The following TPTE2 variants were observed in gnomAD, a reference collection of about 807,000 sequenced individuals.
The protein encoded by TPTE2 is transmembrane phosphoinositide 3-phosphatase and tensin homolog 2, also known as phosphatidylinositol 3,4,5-trisphosphate 3-phosphatase TPTE2.
In TPTE2, 53 loss-of-function variants were observed where a neutral mutation model predicts 78.6. That is an observed-to-expected ratio of 0.67 (90% confidence interval 0.54 to 0.85). The LOEUF (loss-of-function observed/expected upper bound fraction) is 0.85. TPTE2 is among the 40% of genes least tolerant of loss of function. The pLI is 0.00. For synonymous variants in TPTE2, 175 were observed against 206.2 expected, an observed-to-expected ratio of 0.85 and a Z score of 1.30; for missense variants, 461 against 623.0, an observed-to-expected ratio of 0.74 and a Z score of 2.77.
Position 19,524,644 on chromosome 13 carries a change from A to G in TPTE2, c.-44+11952T>C, listed in dbSNP as rs559048585. The stretch of plus-strand genomic sequence containing the variant: ...TTTATACTCAGGAAGCAGGTTTAAA[A>G]GTATGTTTAAAGTGAAAAAATAGAG... On this transcript the variant is annotated intron_variant, in intron 1 of 17. Transcript: ENST00000390680. Among the ~76,000 whole-genome samples, 66 of 151,704 alleles carry G rather than the reference A, an allele frequency of 4.4e-4. 1 individual carries two copies. Among genetic ancestry groups the G allele is most frequent in the African/African-American group, 1.5e-3 (62 of 41,312 alleles).
chr13:19,538,222 C>CT (rs913909845), upstream of TPTE2, among the ~76,000 whole-genome samples: 16 of 150,504 alleles, frequency 1.1e-4, no homozygotes, highest in East Asian at 7.8e-4. Flanking sequence ...TTGCTTCAAA[C>CT]TTTTTTTTTT....
intron 1 of TPTE2, among the ~76,000 whole-genome samples, chr13:19,514,063 T>TG (rs201042025): frequency 0.025 from 3,731 of 152,250 alleles, 64 homozygotes; most frequent in Middle Eastern, 0.051. Context: ...TTCTTGCTGC[T>TG]GAGGGCTCCT....
rs1039196342 is a variant in TPTE2, at chr13:19,437,015, A to G, written c.1036-709T>C. On this transcript the variant is annotated intron_variant, in intron 14 of 19. Coordinates refer to ENST00000400230, the Ensembl canonical transcript of TPTE2. ...TCAAACCTTTTGTTTTTTAAGCTGC[A>G]ATCCACATTAATAAACCTAGGAGAC... 2.1e-5 allele frequency among the ~76,000 whole-genome samples: 3 copies of G among 144,680 alleles called. No individual in the cohort carries two copies. The Admixed American group carries it at 2.1e-4, about 10-fold the overall frequency. 94.9% of individuals were successfully genotyped at this position (144,680 alleles called of 152,430 possible).
At chr13:19,549,837 T>C in the TPTE2 span, among the ~76,000 whole-genome samples, 169 of 96,504 alleles carry the variant, frequency 1.8e-3, 15 homozygotes, top group Middle Eastern at 7.9e-3. Flanking sequence ...GATAATGAGA[T>C]CATGGCCTTT....
chr13:19,505,204 G>A (rs568529149), upstream of TPTE2, among the ~76,000 whole-genome samples: 1 of 151,942 alleles, frequency 6.6e-6, no homozygotes, highest in South Asian at 2.1e-4. Flanking sequence ...GCAGTGATGC[G>A]ATCTTGGCTC....
intron 1 of TPTE2, among the ~76,000 whole-genome samples, chr13:19,532,342 G>A (rs536112761): frequency 2.0e-5 from 3 of 152,252 alleles, no homozygotes; most frequent in African/African-American, 7.2e-5. Flanking sequence ...TCTTGTGAAT[G>A]GGATTAGGTG....
the TPTE2 span, among the ~76,000 whole-genome samples, chr13:19,547,933 A>C: frequency 6.6e-6 from 1 of 151,720 alleles, no homozygotes; most frequent in Non-Finnish European, 1.5e-5. Context: ...ACTTTTTTGC[A>C]AGTAAACTTT....
At chr13:19,525,356 C>T (rs1870433411) in intron 1 of TPTE2, among the ~76,000 whole-genome samples, 1 of 152,074 alleles carries the variant, frequency 6.6e-6, no homozygotes, top group Non-Finnish European at 1.5e-5. Context: ...GACACACAGG[C>T]CAATGGAACA....
At chr13:19,489,340 A>G (rs1880844424) in intron 3 of TPTE2, among the ~76,000 whole-genome samples, 1 of 152,122 alleles carries the variant, frequency 6.6e-6, no homozygotes, top group Non-Finnish European at 1.5e-5. Flanking sequence ...TTCAGTTTAT[A>G]AAAAAGTAAT....
intron 17 of TPTE2, among the ~76,000 whole-genome samples, chr13:19,429,406 G>A (rs149446576): frequency 0.043 from 6,556 of 152,264 alleles, 498 homozygotes; most frequent in African/African-American, 0.15. Context: ...AGCCCAAGGC[G>A]TGAGTGGAAG....
intron 1 of TPTE2, among the ~76,000 whole-genome samples, chr13:19,496,817 C>T (rs1311950407): frequency 6.6e-6 from 1 of 152,180 alleles, no homozygotes; most frequent in African/African-American, 2.4e-5. Flanking sequence ...CGAACAGGAA[C>T]AGCTCCGGTC....
intron 1 of TPTE2, chr13:19,493,712 T>C: frequency 1.6e-6 from 1 of 616,808 alleles, no homozygotes. Flanking sequence ...GGGAAAATTG[T>C]AATGCTTCCC....
the TPTE2 span, chr13:19,560,872 C>G: frequency 6.4e-7 from 1 of 1,566,266 alleles, no homozygotes; most frequent in Non-Finnish European, 8.7e-7. Context: ...CCTGACAGGC[C>G]TTGCGTCTCC....
chr13:19,444,040 T>G (rs1355270131), intron 13 of TPTE2, among the ~76,000 whole-genome samples: 1 of 152,068 alleles, frequency 6.6e-6, no homozygotes, highest in Non-Finnish European at 1.5e-5. Flanking sequence ...GGCTCAGACC[T>G]GCAGTCCTAG....
chr13:19,431,903 G>A (rs1263772713), intron 16 of TPTE2, among the ~76,000 whole-genome samples: 1 of 110,832 alleles, frequency 9.0e-6, no homozygotes, highest in East Asian at 2.3e-4. Context: ...CAGTGGGAGT[G>A]GTGAGGCCCC....
chr13:19,544,934 T>TCACACA, the TPTE2 span, among the ~76,000 whole-genome samples: 319 of 142,416 alleles, frequency 2.2e-3, 2 homozygotes, highest in Non-Finnish European at 3.0e-3. Flanking sequence ...ACGTGCACAC[T>TCACACA]CACACACACA....
chr13:19,485,277 T>C (rs1880598317), intron 3 of TPTE2, among the ~76,000 whole-genome samples: 1 of 152,146 alleles, frequency 6.6e-6, no homozygotes, highest in African/African-American at 2.4e-5. Flanking sequence ...TCTTTATCTA[T>C]GACAGATTTT....
chr13:19,482,487 C>T lies in TPTE2; in HGVS notation c.179+1G>A. 6.2e-7 allele frequency: 1 copy of T among 1,611,998 alleles called. No individual in the cohort carries two copies. On this transcript the variant is annotated splice_donor_variant, in intron 4 of 19. Transcript: ENST00000400230. LOFTEE classifies it high-confidence loss of function. ...TCCTTTCAAACTTCAAACTGACTTACTCATATGAAGCAACATTTTCAGCAT... is the reference window on the plus strand; with the variant it reads ...TCCTTTCAAACTTCAAACTGACTTATTCATATGAAGCAACATTTTCAGCAT...
chr13:19,489,763 ATGTG>A (rs573927476), intron 3 of TPTE2, among the ~76,000 whole-genome samples: 1 of 12,682 alleles, frequency 7.9e-5, no homozygotes, highest in African/African-American at 1.8e-4. Flanking sequence ...TGTGTGTTAT[ATGTG>A]TGTGTGTGTG....
Sources: allele counts gnomAD v4.1 joint callset (sites outside exome capture counted in the v4.1 genomes callset), GRCh38; gene constraint gnomAD v4.1.1; transcripts MANE v1.5; gene names NCBI Gene and HGNC (gene_info 2026-07-23, HGNC 2026-07-21).